The following MED21 variants were observed in gnomAD, a reference collection of about 807,000 sequenced individuals.
MED21 encodes mediator complex subunit 21, also known as mediator of RNA polymerase II transcription subunit 21.
MED21 carries 9 observed loss-of-function variants against 18.2 expected under a neutral mutation model. That is an observed-to-expected ratio of 0.49 (90% CI 0.30 to 0.86). The LOEUF (loss-of-function observed/expected upper bound fraction) is 0.86, where lower values mean the gene tolerates loss of function less well. Among genes scored for constraint, MED21 ranks in the 40% least tolerant of loss-of-function variants. MED21 has a pLI of 0.07. For synonymous variants in MED21, 73 were observed against 60.5 expected (o/e 1.21, Z -0.96); for missense variants, 150 against 170.9 (o/e 0.88, Z 0.68).
Position 27,037,404 on chromosome 12 carries a change from C to T in MED21, n.147-8750C>T, listed in dbSNP as rs552380595. The T allele has an allele frequency of 9.9e-5, 15 of 152,032 alleles. 1 individual carries two copies. The East Asian group carries it at 2.9e-3, about 29-fold the overall frequency. 9.4% of individuals were successfully genotyped at this position (152,032 alleles called of 1,614,324 possible). A position where few individuals can be genotyped will look rare whatever the true frequency, so the allele number is the denominator to read the frequency against. ...TCTGCAAACAGGGACAATTTGACTT[C>T]CTCTTTTCCTAATTGAATACCCTTT... On this transcript the variant is annotated intron_variant and non_coding_transcript_variant, in intron 2 of 4. Coordinates refer to the MED21 transcript ENST00000538186.
chr12:27,038,178 A>ATAATG (rs1941661178), intron 2 of MED21: 1 of 152,224 alleles, frequency 6.6e-6, no homozygotes, highest in African/African-American at 2.4e-5. Context: ...TAAAGATGAT[A>ATAATG]TAATTACATA....
intron 1 of MED21, 21 bp from the exon 2 acceptor site, chr12:27,026,399 A>T (rs761594678): frequency 2.2e-5 from 33 of 1,516,910 alleles, no homozygotes; most frequent in South Asian, 3.4e-5. Context: ...TCTAACCTTG[A>T]TATGTTTTCT....
downstream of MED21, among the ~76,000 whole-genome samples, chr12:27,034,843 C>T (rs577562860): frequency 5.9e-5 from 9 of 152,086 alleles, no homozygotes; most frequent in South Asian, 2.1e-4. Flanking sequence ...CTCCGTCTCC[C>T]GGGTCCAAGT....
chr12:27,026,455 G>A lies in MED21; in HGVS notation c.78G>A (p.Leu26=). The change falls in exon 2 of 4, where the codon TTG becomes TTA. Residue 26 remains leucine (L), a synonymous_variant. Coordinates refer to ENST00000282892, the MANE Select transcript of MED21 (RefSeq NM_004264.5). ...ADQFCNAIGV[L]QQCGPPASFN... ...AGTTTTGTAATGCCATTGGAGTATTGCAGCAATGTGGTCCTCCTGCCTCTT... is the reference window on the plus strand; with the variant it reads ...AGTTTTGTAATGCCATTGGAGTATTACAGCAATGTGGTCCTCCTGCCTCTT... 1 of 1,613,766 alleles carries A rather than the reference G, an allele frequency of 6.2e-7. No homozygotes were observed. The highest frequency in any genetic ancestry group is 1.7e-5 in the Admixed American group (1 of 59,982).
At position 27,028,418 on chromosome 12, in the gene MED21, A is replaced by T. The variant is rs200050129; in HGVS notation, c.392A>T (p.Lys131Met). The change falls in exon 4 of 4, where the codon AAG becomes ATG. Residue 131 changes from lysine to methionine, a missense_variant. Lys to Met is a moderately conservative substitution (Grantham distance 95, BLOSUM62 -1). Transcript: ENST00000282892. The stretch of plus-strand genomic sequence containing the variant: ...GCTGATATTGCACAGTCACAGCTGA[A>T]GACAAGAAGTGGTACCCATAGCCAG... ...ALADIAQSQL[K>M]TRSGTHSQSL... 3 of 1,614,030 alleles carry T rather than the reference A, an allele frequency of 1.9e-6. No individual in the cohort carries two copies. In the African/African-American group the frequency reaches 4.0e-5, roughly 22 times the overall value.
Position 27,027,385 on chromosome 12 carries a change from G to T in MED21, c.196G>T (p.Ala66Ser). 6.2e-7 allele frequency: 1 copy of T among 1,613,730 alleles called. No homozygotes were observed. Among genetic ancestry groups the T allele is most frequent in the Non-Finnish European group, 8.5e-7 (1 of 1,179,822 alleles). The change falls in exon 3 of 4, where the codon GCA becomes TCA. Residue 66 changes from alanine (A) to serine (S), a missense_variant. Coordinates refer to ENST00000282892, the MANE Select transcript of MED21 (RefSeq NM_004264.5). ...TTTTGCAGCACTGATTGCACGAACAGCAAAAGACATTGATGTTTTGATAGA... is the reference window on the plus strand; with the variant it reads ...TTTTGCAGCACTGATTGCACGAACATCAAAAGACATTGATGTTTTGATAGA... ...QLFAALIARTAKDIDVLIDSL... is the reference protein window; with the variant it reads ...QLFAALIARTSKDIDVLIDSL...
Position 27,028,458 on chromosome 12 carries a change from A to G in MED21, c.432A>G (p.Ser144=). 1.2e-6 allele frequency: 2 copies of G among 1,612,902 alleles called. No homozygotes were observed. The highest frequency in any genetic ancestry group is 1.7e-5 in the Admixed American group (1 of 59,994). The part of the protein sequence containing the change: ...SGTHSQSLPD[S] ...CCCATAGCCAGTCTCTTCCAGACTC[A>G]TAGCATCAGTGGATACCATGTGGCT... Residue 144 remains serine, a synonymous_variant, in exon 4 of 4, where the codon TCA becomes TCG. Coordinates refer to ENST00000282892, the MANE Select transcript of MED21 (RefSeq NM_004264.5).
Position 27,030,327 on chromosome 12 carries a change from G to A in MED21, c.*1866G>A, listed in dbSNP as rs917956695. On this transcript the variant is annotated 3_prime_UTR_variant, in exon 4 of 4. Coordinates refer to ENST00000282892, the MANE Select transcript of MED21 (RefSeq NM_004264.5). ...TTTTTCTTTTTTTTTTAGAGATGGG[G>A]TCTCACTCTGTTGCCCAGGCTAATG... The A allele has an allele frequency of 8.7e-6, 4 of 460,346 alleles. No individual in the cohort carries two copies. The highest frequency in any genetic ancestry group is 1.5e-5 in the Non-Finnish European group (4 of 258,128). 28.5% of individuals were successfully genotyped at this position (460,346 alleles called of 1,614,324 possible).
At chr12:27,026,261 T>C (rs1941543675) in intron 1 of MED21, among the ~76,000 whole-genome samples, 159 bp from the exon 2 acceptor site, 1 of 152,244 alleles carries the variant, frequency 6.6e-6, no homozygotes. Flanking sequence ...TAATCAACAT[T>C]AATAATAACT....
chr12:27,029,354 T>C lies in MED21; in HGVS notation c.*893T>C. On this transcript the variant is annotated 3_prime_UTR_variant, in exon 4 of 4. Coordinates refer to ENST00000282892, the MANE Select transcript of MED21 (RefSeq NM_004264.5). ...TTTATTATTGCCAAATAATAATTTG[T>C]GTCAGCATTTTCAACTATGGTTATT... 1.0e-6 allele frequency: 1 copy of C among 985,462 alleles called. No homozygotes were observed. Among genetic ancestry groups the C allele is most frequent in the South Asian group, 4.7e-5 (1 of 21,288 alleles). The allele number at this position is 985,462 out of a possible 1,614,324, so 61.0% of individuals were successfully genotyped here.
At chr12:27,023,684 G>C (rs148949892) in intron 1 of MED21, among the ~76,000 whole-genome samples, 1 of 152,204 alleles carries the variant, frequency 6.6e-6, no homozygotes, top group East Asian at 1.9e-4. Context: ...GTTCCTTCTG[G>C]TTATTTTTCC....
rs12829295 is a variant in MED21, at chr12:27,030,371, G to A, written c.*1910G>A. On this transcript the variant is annotated 3_prime_UTR_variant, in exon 4 of 4. Coordinates refer to ENST00000282892, the MANE Select transcript of MED21 (RefSeq NM_004264.5). ...GCTAATGCCAAACTGCTAACCTCAA[G>A]ATATTAATACTATACAGTAGACTAT... is the stretch of plus-strand genomic sequence containing the variant. 0.3 allele frequency: 129,012 copies of A among 426,822 alleles called. 21,336 individuals are homozygous for A. Among genetic ancestry groups the A allele is most frequent in the East Asian group, 0.53 (16,109 of 30,144 alleles). The allele number at this position is 426,822 out of a possible 1,614,324, so 26.4% of individuals were successfully genotyped here.
chr12:27,028,734 CAT>C lies in MED21; in HGVS notation c.*276_*277del, dbSNP rs144364611. 4,660 of 1,077,782 alleles carry C rather than the reference CAT, an allele frequency of 4.3e-3. 156 individuals carry two copies. The African/African-American group carries it at 0.069, about 16-fold the overall frequency. 66.8% of individuals were successfully genotyped at this position (1,077,782 alleles called of 1,614,324 possible). A position where few individuals can be genotyped will look rare whatever the true frequency, so the allele number is the denominator to read the frequency against. ...CATTAATGAACATAATATAAGGAAA[CAT>C]ATGTAAAATTCTGTTATGACATAAT... On this transcript the variant is annotated 3_prime_UTR_variant, in exon 4 of 4. Coordinates refer to ENST00000282892, the MANE Select transcript of MED21 (RefSeq NM_004264.5).
intron 1 of MED21, among the ~76,000 whole-genome samples, chr12:27,024,537 C>T (rs1941519296): frequency 6.6e-6 from 1 of 152,112 alleles, no homozygotes; most frequent in African/African-American, 2.4e-5. Context: ...TGAGGTTTTA[C>T]GAAATCAAAT....
At chr12:27,022,789 G>A (rs1003122645) in intron 1 of MED21, 168 bp downstream of exon 1, 1 of 1,522,412 alleles carries the variant, frequency 6.6e-7, no homozygotes, top group Admixed American at 2.0e-5. Flanking sequence ...GAGGTTTGAG[G>A]CCGGCTGCCG....
downstream of MED21, among the ~76,000 whole-genome samples, chr12:27,031,360 TGTGA>T (rs959260075): frequency 3.9e-5 from 6 of 152,174 alleles, no homozygotes; most frequent in African/African-American, 9.7e-5. Context: ...GAAGATAGGA[TGTGA>T]GTGAGTAAGT....
intron 1 of MED21, among the ~76,000 whole-genome samples, chr12:27,025,155 C>T (rs1941527386): frequency 1.3e-5 from 2 of 152,146 alleles, no homozygotes; most frequent in Admixed American, 1.3e-4. Context: ...TCTATTACAA[C>T]AATGCTATAA....
At chr12:27,026,011 A>C (rs74411243) in intron 1 of MED21, among the ~76,000 whole-genome samples, 1 of 152,294 alleles carries the variant, frequency 6.6e-6, no homozygotes, top group South Asian at 2.1e-4. Context: ...TGAGAAATAA[A>C]TTTTTATTAA....
intron 3 of MED21, among the ~76,000 whole-genome samples, chr12:27,027,892 T>C (rs187466954): frequency 1.3e-5 from 2 of 152,358 alleles, no homozygotes; most frequent in East Asian, 3.9e-4. Context: ...TTTTAATGTA[T>C]GAATTTTGGA....
Sources: gnomAD v4.1 joint callset for allele counts (sites outside exome capture counted in the v4.1 genomes callset) on GRCh38, gnomAD v4.1.1 for gene constraint, MANE v1.5 for transcripts, NCBI Gene and HGNC (gene_info 2026-07-23, HGNC 2026-07-21) for gene names.